Variants in IFT56 observed in about 807,000 individuals in gnomAD.
The protein encoded by IFT56 is intraflagellar transport 56, also known as intraflagellar transport protein 56.
the IFT56 span, among the ~76,000 whole-genome samples, chr7:139,182,971 G>T: frequency 6.6e-6 from 1 of 152,212 alleles, no homozygotes; most frequent in African/African-American, 2.4e-5. Context: ...GTAGACCACA[G>T]TCTTAAAAAA....
the IFT56 span, chr7:139,178,207 G>A: frequency 5.0e-4 from 808 of 1,607,390 alleles, 1 homozygote; most frequent in East Asian, 6.2e-4. Flanking sequence ...TTTCCCCTCC[G>A]TTTCAGATAC....
At chr7:139,159,046 A>G in the IFT56 span, among the ~76,000 whole-genome samples, 10 of 152,290 alleles carry the variant, frequency 6.6e-5, no homozygotes, top group Middle Eastern at 3.4e-3. Context: ...TAATGGTTTG[A>G]CTGTTTTATA....
chr7:139,143,494 G>T, the IFT56 span, among the ~76,000 whole-genome samples: 2 of 151,816 alleles, frequency 1.3e-5, no homozygotes, highest in Non-Finnish European at 1.5e-5. Context: ...AGCTATACTA[G>T]CTCTTTTGGG....
At chr7:139,173,675 G>C in the IFT56 span, 1 of 772,688 alleles carries the variant, frequency 1.3e-6, no homozygotes, top group Middle Eastern at 2.3e-4. Context: ...GTTCATATTG[G>C]CATGTGGCAT....
chr7:139,139,216 TGAA>T, the IFT56 span, among the ~76,000 whole-genome samples: 44 of 152,042 alleles, frequency 2.9e-4, no homozygotes, highest in Non-Finnish European at 4.6e-4. Context: ...GGAGGCGAGA[TGAA>T]GAACAAAGGA....
At chr7:139,185,314 T>A in the IFT56 span, among the ~76,000 whole-genome samples, 27 of 152,048 alleles carry the variant, frequency 1.8e-4, no homozygotes, top group Non-Finnish European at 3.4e-4. Flanking sequence ...CAGTGTCAAT[T>A]TCCTGATTTT....
chr7:139,157,249 C>T, the IFT56 span, among the ~76,000 whole-genome samples: 1 of 144,712 alleles, frequency 6.9e-6, no homozygotes, highest in East Asian at 2.1e-4. Flanking sequence ...TGGGTTCCAG[C>T]GATTCTCCTG....
the IFT56 span, among the ~76,000 whole-genome samples, chr7:139,177,070 G>T: frequency 2.4e-4 from 37 of 151,748 alleles, no homozygotes; most frequent in Middle Eastern, 6.8e-3. Flanking sequence ...TACTTGGGAG[G>T]CTGAGGTAGG....
At chr7:139,169,969 A>G in the IFT56 span, among the ~76,000 whole-genome samples, 1 of 152,180 alleles carries the variant, frequency 6.6e-6, no homozygotes, top group Non-Finnish European at 1.5e-5. Flanking sequence ...AGCCATGATT[A>G]CACCACTGCA....
the IFT56 span, among the ~76,000 whole-genome samples, chr7:139,163,391 C>T: frequency 6.6e-6 from 1 of 151,230 alleles, no homozygotes; most frequent in African/African-American, 2.4e-5. Flanking sequence ...TTATTATTGT[C>T]ATCTTGTAGG....
At chr7:139,157,495 ATTTTT>A in the IFT56 span, among the ~76,000 whole-genome samples, 1 of 82,428 alleles carries the variant, frequency 1.2e-5, no homozygotes, top group Non-Finnish European at 2.5e-5. Context: ...TTTGTATTGG[ATTTTT>A]TTTTTTTTTT....
At chr7:139,183,114 A>G in the IFT56 span, among the ~76,000 whole-genome samples, 1 of 152,170 alleles carries the variant, frequency 6.6e-6, no homozygotes, top group Non-Finnish European at 1.5e-5. Context: ...GCAGAAGAAA[A>G]TGAGCCATTG....
At chr7:139,187,111 A>G in the IFT56 span, among the ~76,000 whole-genome samples, 6 of 151,626 alleles carry the variant, frequency 4.0e-5, no homozygotes, top group African/African-American at 9.7e-5. Flanking sequence ...AAAAAAAAAA[A>G]AAAAAAAAAA....
the IFT56 span, among the ~76,000 whole-genome samples, chr7:139,186,453 T>C: frequency 6.6e-6 from 1 of 152,008 alleles, no homozygotes; most frequent in African/African-American, 2.4e-5. Context: ...TAAAAATTTT[T>C]TTTAAATAAA....
the IFT56 span, among the ~76,000 whole-genome samples, chr7:139,166,401 C>T: frequency 6.6e-6 from 1 of 152,078 alleles, no homozygotes. Flanking sequence ...AATACTCACC[C>T]TGGATTCAGC....
chr7:139,134,404 G>A, the IFT56 span, among the ~76,000 whole-genome samples: 1 of 151,970 alleles, frequency 6.6e-6, no homozygotes, highest in Non-Finnish European at 1.5e-5. Flanking sequence ...CCGAGTAGCT[G>A]GGACTACAGG....
chr7:139,152,699 C>T, the IFT56 span, among the ~76,000 whole-genome samples: 1 of 152,118 alleles, frequency 6.6e-6, no homozygotes, highest in Admixed American at 6.5e-5. Context: ...TGACCTACAT[C>T]TTTAATTTAT....
At chr7:139,178,689 G>C in the IFT56 span, 2 of 1,124,446 alleles carry the variant, frequency 1.8e-6, no homozygotes, top group African/African-American at 3.1e-5. Context: ...AAGGGTTAAG[G>C]ATTATTAAAG....
chr7:139,142,298 C>T, the IFT56 span: 2 of 1,613,876 alleles, frequency 1.2e-6, no homozygotes, highest in Non-Finnish European at 1.7e-6. Flanking sequence ...TTCCACTTGG[C>T]TCACAAGGTA....
Sources: allele counts gnomAD v4.1 joint callset (sites outside exome capture counted in the v4.1 genomes callset), GRCh38; gene constraint gnomAD v4.1.1; transcripts MANE v1.5; gene names NCBI Gene and HGNC (gene_info 2026-07-23, HGNC 2026-07-21).